The following PLXDC2 variants were observed in gnomAD, a reference collection of about 807,000 sequenced individuals.
The protein encoded by PLXDC2 is plexin domain-containing protein 2.
Under a neutral mutation model 68.9 loss-of-function variants are expected in PLXDC2, and 40 were observed. The ratio of observed to expected loss-of-function variants is 0.58; its 90% CI spans 0.45 to 0.76. PLXDC2 has a LOEUF of 0.76. Ranked by LOEUF, PLXDC2 falls within the 30% of genes least tolerant of loss-of-function variation. The probability of loss-of-function intolerance (pLI) is 0.00; values close to 1 mark genes in which losing one functional copy is unlikely to be tolerated. For synonymous variants in PLXDC2, 243 were observed against 234.2 expected, an observed-to-expected ratio of 1.04 and a Z score of -0.34; for missense variants, 644 against 661.9, an observed-to-expected ratio of 0.97 and a Z score of 0.30.
intron 2 of PLXDC2, among the ~76,000 whole-genome samples, chr10:20,037,486 T>C (rs1835598795): frequency 1.3e-5 from 2 of 152,164 alleles, no homozygotes; most frequent in Non-Finnish European, 2.9e-5. Flanking sequence ...ATTAGGTATA[T>C]CTCCTAATGC....
intron 9 of PLXDC2, among the ~76,000 whole-genome samples, chr10:20,203,080 T>A (rs1294813001): frequency 6.6e-6 from 1 of 152,096 alleles, no homozygotes. Context: ...TCACCCAGTG[T>A]CAACTCTTTC....
chr10:20,281,731 A>C lies in PLXDC2; in HGVS notation c.*1912A>C, dbSNP rs1836084359. ...CAGCAGCTATGTATGGTTTATGTGA[A>C]GTATCCCCACTTATTCTTGTGGAGC... On this transcript the variant is annotated 3_prime_UTR_variant, in exon 14 of 14. Coordinates refer to ENST00000377252, the MANE Select transcript of PLXDC2 (RefSeq NM_032812.9). 1 of 152,192 alleles carries C rather than the reference A, an allele frequency of 6.6e-6. No homozygotes were observed. Among genetic ancestry groups the C allele is most frequent in the Non-Finnish European group, 1.5e-5 (1 of 68,026 alleles). 9.4% of individuals were successfully genotyped at this position (152,192 alleles called of 1,614,324 possible).
chr10:20,221,212 CTAG>C (rs1169858633), intron 12 of PLXDC2, among the ~76,000 whole-genome samples: 1 of 152,080 alleles, frequency 6.6e-6, no homozygotes, highest in African/African-American at 2.4e-5. Context: ...AAAGAGTTTT[CTAG>C]AACATTACCA....
chr10:19,911,929 C>T (rs1296180494), intron 1 of PLXDC2, among the ~76,000 whole-genome samples: 1 of 152,146 alleles, frequency 6.6e-6, no homozygotes, highest in African/African-American at 2.4e-5. Context: ...GTTTCTCTTT[C>T]TCTGAAATGT....
chr10:20,242,220 A>G (rs1835525829), intron 12 of PLXDC2, among the ~76,000 whole-genome samples: 1 of 152,248 alleles, frequency 6.6e-6, no homozygotes, highest in Non-Finnish European at 1.5e-5. Flanking sequence ...ATAAGCATAC[A>G]TAAGAATGAG....
chr10:19,907,879 A>G (rs1333239476), intron 1 of PLXDC2, among the ~76,000 whole-genome samples: 1 of 152,158 alleles, frequency 6.6e-6, no homozygotes, highest in Non-Finnish European at 1.5e-5. Context: ...TCATCTTCAG[A>G]AAGTCTGTCG....
intron 6 of PLXDC2, among the ~76,000 whole-genome samples, chr10:20,159,392 G>C (rs1834261187): frequency 6.6e-6 from 1 of 152,060 alleles, no homozygotes; most frequent in African/African-American, 2.4e-5. Flanking sequence ...AGTCTCAATA[G>C]CAGTGCATAC....
intron 1 of PLXDC2, among the ~76,000 whole-genome samples, chr10:19,898,098 TAGAC>T (rs1589525684): frequency 1.3e-5 from 2 of 152,336 alleles, no homozygotes; most frequent in East Asian, 3.9e-4. Context: ...TATTTCCAAG[TAGAC>T]AGACAATTTA....
In PLXDC2 at chr10:19,863,341, G is replaced by A. The variant is rs541060077; in HGVS notation, c.112+46150G>A. On this transcript the variant is annotated intron_variant, in intron 1 of 13. Coordinates refer to ENST00000377252, the MANE Select transcript of PLXDC2 (RefSeq NM_032812.9). ...TGGGAATTGTTCAGAAACAGCTGCC[G>A]GCTGACATTATGTTCTAGAAGTGCT... 2.6e-5 allele frequency among the ~76,000 whole-genome samples: 4 copies of A among 152,158 alleles called. No homozygotes were observed. In the East Asian group the frequency reaches 7.7e-4, roughly 29 times the overall value.
intron 3 of PLXDC2, among the ~76,000 whole-genome samples, chr10:20,060,577 C>G (rs1178883168): frequency 1.3e-5 from 2 of 151,180 alleles, no homozygotes; most frequent in Non-Finnish European, 2.9e-5. Context: ...CCAGGTGTTG[C>G]TGATGGTGCA....
At chr10:19,935,237 C>T (rs1833703291) in intron 1 of PLXDC2, among the ~76,000 whole-genome samples, 1 of 152,176 alleles carries the variant, frequency 6.6e-6, no homozygotes, top group Non-Finnish European at 1.5e-5. Flanking sequence ...CTCAGATGCT[C>T]CACCATCAGC....
At chr10:20,137,861 C>T (rs1359012181) in intron 4 of PLXDC2, among the ~76,000 whole-genome samples, 1 of 152,084 alleles carries the variant, frequency 6.6e-6, no homozygotes, top group Non-Finnish European at 1.5e-5. Context: ...ATGTGCACAT[C>T]AGATTTACTG....
intron 5 of PLXDC2, 87 bp from the exon 6 acceptor site, chr10:20,147,697 T>C: frequency 1.3e-6 from 1 of 771,892 alleles, no homozygotes; most frequent in Non-Finnish European, 2.1e-6. Flanking sequence ...GAAGGCCAGA[T>C]GCAAAAACAT....
intron 13 of PLXDC2, among the ~76,000 whole-genome samples, chr10:20,273,557 T>C (rs1835966760): frequency 6.6e-6 from 1 of 152,206 alleles, no homozygotes; most frequent in Non-Finnish European, 1.5e-5. Context: ...GACACACATA[T>C]ATACATATCA....
At chr10:19,826,105 T>C (rs1456937765) in intron 1 of PLXDC2, among the ~76,000 whole-genome samples, 1 of 152,210 alleles carries the variant, frequency 6.6e-6, no homozygotes, top group Admixed American at 6.6e-5. Flanking sequence ...TGAGTCATGT[T>C]CTTAGTGGAT....
chr10:20,045,150 C>T (rs1835774464), intron 2 of PLXDC2, among the ~76,000 whole-genome samples: 1 of 152,060 alleles, frequency 6.6e-6, no homozygotes, highest in Non-Finnish European at 1.5e-5. Context: ...GTGTTCCATA[C>T]CCAGAGTTTA....
intron 1 of PLXDC2, among the ~76,000 whole-genome samples, chr10:19,905,855 G>A (rs1254043120): frequency 1.3e-5 from 2 of 152,124 alleles, no homozygotes; most frequent in African/African-American, 2.4e-5. Flanking sequence ...AAGATTTTAA[G>A]ACAGTCTTTC....
chr10:20,020,185 T>G (rs1354596186), intron 2 of PLXDC2, among the ~76,000 whole-genome samples: 1 of 144,714 alleles, frequency 6.9e-6, no homozygotes. Context: ...CAAATTTTTT[T>G]TTTTTTTTTT....
intron 5 of PLXDC2, 96 bp downstream of exon 5, chr10:20,143,513 G>T: frequency 6.8e-7 from 1 of 1,478,552 alleles, no homozygotes; most frequent in Non-Finnish European, 9.3e-7. Flanking sequence ...TTATTTTTTG[G>T]TGTGTAAACT....
Sources: allele counts gnomAD v4.1 joint callset (sites outside exome capture counted in the v4.1 genomes callset), GRCh38; gene constraint gnomAD v4.1.1; transcripts MANE v1.5; gene names NCBI Gene and HGNC (gene_info 2026-07-23, HGNC 2026-07-21).